ATXN2: variants seen among roughly 807,000 people sequenced by gnomAD.
ATXN2 encodes ataxin 2, also known as ataxin-2.
In ATXN2, 37 loss-of-function variants were observed where a neutral mutation model predicts 138.6. The observed-to-expected ratio is 0.27, with a 90% CI of 0.21 to 0.35. The LOEUF is 0.35. ATXN2 is among the 10% of genes least tolerant of loss of function. The probability of loss-of-function intolerance (pLI) is 1.00; values close to 1 mark genes in which losing one functional copy is unlikely to be tolerated. For synonymous variants in ATXN2, 549 were observed against 543.7 expected (o/e 1.01, Z -0.13); for missense variants, 1,216 against 1,480.3 (o/e 0.82, Z 2.93).
In ATXN2 at chr12:111,525,298, G is replaced by A. The variant is rs761027270; in HGVS notation, c.590C>T (p.Ala197Val). Residue 197 changes from alanine to valine, a missense_variant, in exon 6 of 25, where the codon GCT (alanine) becomes GTT (valine). Coordinates refer to ENST00000673436, the MANE Select transcript of ATXN2 (RefSeq NM_001372574.1). ...TTCGCCATTCACTTTAGCACTGATA[G>A]CAGAGTCAGTAAAAGCATCTGCAAA... ...YAKRDAFTDS[A>V]ISAKVNGEHK... is the part of the protein sequence containing the mutation. 2.5e-6 allele frequency: 4 copies of A among 1,599,118 alleles called. No individual in the cohort carries two copies. In the South Asian group the frequency reaches 4.6e-5, roughly 18 times the overall value.
intron 5 of ATXN2, among the ~76,000 whole-genome samples, chr12:111,529,671 G>T (rs1880704254): frequency 6.6e-6 from 1 of 151,982 alleles, no homozygotes; most frequent in Admixed American, 6.6e-5. Flanking sequence ...ACCTCTTCTG[G>T]GTATCCCCAG....
chr12:111,554,101 T>C (rs1882265327), intron 3 of ATXN2, 57 bp downstream of exon 3: 6 of 1,144,830 alleles, frequency 5.2e-6, no homozygotes, highest in Non-Finnish European at 7.4e-6. Flanking sequence ...TTTAACTTCA[T>C]GGAATTACTT....
At chr12:111,581,495 C>T (rs1053474353) in intron 1 of ATXN2, 88 of 1,019,078 alleles carry the variant, frequency 8.6e-5, no homozygotes, top group Non-Finnish European at 1.2e-4. Context: ...CAACCCTGCT[C>T]CCCCAATGTC....
chr12:111,454,075 G>A (rs955295696), intron 23 of ATXN2: 17 of 480,104 alleles, frequency 3.5e-5, no homozygotes, highest in Non-Finnish European at 5.2e-5. Flanking sequence ...AAGTGAGCCT[G>A]GGTAGAAGTC....
intron 8 of ATXN2, among the ~76,000 whole-genome samples, chr12:111,518,775 C>T (rs1592855331): frequency 6.6e-6 from 1 of 152,268 alleles, no homozygotes; most frequent in East Asian, 1.9e-4. Flanking sequence ...TCTCTTCTCT[C>T]ACTGGCTGTT....
intron 1 of ATXN2, among the ~76,000 whole-genome samples, chr12:111,582,407 A>G (rs1268719425): frequency 1.3e-5 from 2 of 150,934 alleles, no homozygotes; most frequent in Admixed American, 6.7e-5. Context: ...TGCACCACGC[A>G]CTGCAGCCTG....
intron 14 of ATXN2, among the ~76,000 whole-genome samples, chr12:111,508,742 C>T (rs139909110): frequency 4.5e-4 from 68 of 152,014 alleles, no homozygotes; most frequent in Admixed American, 8.5e-4. Flanking sequence ...CCACCGTGCC[C>T]GCCAACAAAT....
upstream of ATXN2, chr12:111,599,637 G>C: frequency 9.2e-7 from 1 of 1,083,034 alleles, no homozygotes. Flanking sequence ...GGAGGGACAC[G>C]TGAGGAGCGG....
chr12:111,597,294 T>C (rs1884985462), intron 1 of ATXN2, among the ~76,000 whole-genome samples: 1 of 152,234 alleles, frequency 6.6e-6, no homozygotes, highest in African/African-American at 2.4e-5. Flanking sequence ...AATGGGTTGC[T>C]GAAAATGTGT....
rs1875068829 is a variant in ATXN2, at chr12:111,456,093, G to A, written c.3206C>T (p.Thr1069Met). Reference sequence around the variant, plus strand: ...CGGCTGAACGTGAGAAGGATGGATCGTAAAGACAGTCTGTTGTGCTGCTGG... The same window carrying A: ...CGGCTGAACGTGAGAAGGATGGATCATAAAGACAGTCTGTTGTGCTGCTGG... ...SFPAAQQTVFTIHPSHVQPAY... is the reference protein window; with the variant it reads ...SFPAAQQTVFMIHPSHVQPAY... Residue 1069 changes from threonine (T) to methionine (M), a missense_variant, in exon 23 of 25, where the codon ACG becomes ATG. Around this residue, in one of 4 missense-constraint regions of ATXN2, gnomAD observed 490 missense variants for 653.5 expected, o/e 0.75. Coordinates refer to ENST00000673436, the MANE Select transcript of ATXN2 (RefSeq NM_001372574.1). 4 of 1,614,094 alleles carry A rather than the reference G, an allele frequency of 2.5e-6. No homozygotes were observed. Among genetic ancestry groups the A allele is most frequent in the Non-Finnish European group, 3.4e-6 (4 of 1,180,058 alleles).
chr12:111,463,642 G>C (rs548781444), intron 21 of ATXN2, among the ~76,000 whole-genome samples: 2 of 152,276 alleles, frequency 1.3e-5, no homozygotes, highest in South Asian at 4.1e-4. Context: ...CCAGAAGAAA[G>C]CTCTGCCCAG....
At position 111,466,914 on chromosome 12, in the gene ATXN2, A is replaced by G. The variant is rs187962590; in HGVS notation, c.2843-2199T>C. On this transcript the variant is annotated intron_variant, in intron 20 of 24. Coordinates refer to ENST00000673436, the MANE Select transcript of ATXN2 (RefSeq NM_001372574.1). ...GAAAATTTATGACAATATATTTAAT[A>G]TATTTATAAAATATAAATTGTTCAG... Among the ~76,000 whole-genome samples the G allele has an allele frequency of 4.4e-3, 674 of 152,156 alleles. 9 individuals are homozygous for G. The highest frequency in any genetic ancestry group is 0.015 in the African/African-American group (618 of 41,558).
chr12:111,539,680 C>T (rs1428207686), intron 5 of ATXN2, among the ~76,000 whole-genome samples: 5 of 149,334 alleles, frequency 3.3e-5, no homozygotes, highest in East Asian at 1.9e-4. Flanking sequence ...ACCCGGGAGG[C>T]GGAGCTTGCA....
intron 14 of ATXN2, among the ~76,000 whole-genome samples, chr12:111,504,932 A>G (rs2135721601): frequency 6.6e-6 from 1 of 152,340 alleles, no homozygotes; most frequent in East Asian, 1.9e-4. Flanking sequence ...TTGCACAAGA[A>G]AGAATTCAGG....
At chr12:111,515,876 T>A (rs1179365778) in intron 10 of ATXN2, among the ~76,000 whole-genome samples, 1 of 152,182 alleles carries the variant, frequency 6.6e-6, no homozygotes, top group Non-Finnish European at 1.5e-5. Flanking sequence ...GGGGGAAGGC[T>A]GTGGGGCAGA....
chr12:111,575,809 C>T (rs547405273), intron 1 of ATXN2, among the ~76,000 whole-genome samples: 1 of 152,262 alleles, frequency 6.6e-6, no homozygotes, highest in South Asian at 2.1e-4. Flanking sequence ...GTCAGCCAGG[C>T]GCAGTGGCTC....
At chr12:111,467,307 C>CCTTTT (rs1876096634) in intron 20 of ATXN2, among the ~76,000 whole-genome samples, 1 of 34,846 alleles carries the variant, frequency 2.9e-5, no homozygotes, top group African/African-American at 1.5e-4. Context: ...CATGACTGGG[C>CCTTTT]TTTTTTTTTT....
At chr12:111,591,077 A>AG (rs1054249100) in intron 1 of ATXN2, among the ~76,000 whole-genome samples, 3 of 151,754 alleles carry the variant, frequency 2.0e-5, no homozygotes, top group East Asian at 2.0e-4. Flanking sequence ...TTTTTAGTAG[A>AG]GGGGGGTTTC....
intron 14 of ATXN2, among the ~76,000 whole-genome samples, chr12:111,497,088 T>C (rs1350846080): frequency 6.6e-6 from 1 of 152,184 alleles, no homozygotes; most frequent in East Asian, 1.9e-4. Context: ...AGCATCTATA[T>C]GCTGATACAT....
Sources: gnomAD v4.1 joint callset for allele counts (sites outside exome capture counted in the v4.1 genomes callset) on GRCh38, gnomAD v4.1.1 for gene constraint, gnomAD v4.1.1 regional missense constraint, MANE v1.5 for transcripts, NCBI Gene and HGNC (gene_info 2026-07-23, HGNC 2026-07-21) for gene names.